The following VPS13D variants were observed in gnomAD, a reference collection of about 807,000 sequenced individuals.
The protein encoded by VPS13D is intermembrane lipid transfer protein VPS13D.
Under a neutral mutation model 461.9 loss-of-function variants are expected in VPS13D, and 187 were observed. The observed-to-expected ratio is 0.40, with a 90% CI of 0.36 to 0.46. VPS13D has a LOEUF of 0.46. Among genes scored for constraint, VPS13D ranks in the 20% least tolerant of loss-of-function variants. The pLI, the probability that VPS13D is intolerant of heterozygous loss-of-function variation, is 0.60. For synonymous variants in VPS13D, 1,951 were observed against 1,986.3 expected (o/e 0.98, Z 0.47); for missense variants, 4,711 against 5,364.9 (o/e 0.88, Z 3.81).
At chr1:12,237,847 G>T (rs1296107226) in intron 2 of VPS13D, among the ~76,000 whole-genome samples, 4 of 151,612 alleles carry the variant, frequency 2.6e-5, no homozygotes, top group Non-Finnish European at 1.5e-5. Context: ...AAAGTTCATT[G>T]TTCAGTCATT....
intron 25 of VPS13D, among the ~76,000 whole-genome samples, chr1:12,303,561 A>G (rs1642482032): frequency 6.6e-6 from 1 of 152,270 alleles, no homozygotes. Flanking sequence ...AAAAAATAAA[A>G]AAATTGCAGA....
chr1:12,291,009 G>C lies in VPS13D; in HGVS notation c.5737G>C (p.Ala1913Pro). 1 of 1,611,002 alleles carries C rather than the reference G, an allele frequency of 6.2e-7. No homozygotes were observed. Among genetic ancestry groups the C allele is most frequent in the Non-Finnish European group, 8.5e-7 (1 of 1,179,128 alleles). Residue 1913 changes from alanine to proline, a missense_variant, in exon 23 of 70, where the codon GCC becomes CCC. By Grantham distance (27) the Ala-to-Pro change is conservative. Around this residue, in one of 3 missense-constraint regions of VPS13D, gnomAD observed 4,411 missense variants for 4,937.8 expected, o/e 0.89. Coordinates refer to ENST00000620676, the MANE Select transcript of VPS13D (RefSeq NM_015378.4). ...AHLEMIEGDL[A>P]LQGSIGSLSL... ...TTTATCATCCCTAGAGGGAGACCTG[G>C]CCTTACAGGGCAGCATTGGGAGTCT...
intron 39 of VPS13D, chr1:12,336,087 T>A: frequency 2.5e-6 from 1 of 399,066 alleles, no homozygotes; most frequent in Non-Finnish European, 4.6e-6. Context: ...CTGGTAATAA[T>A]GCATATGAAC....
intron 63 of VPS13D, among the ~76,000 whole-genome samples, chr1:12,404,923 AC>A (rs1570106826): frequency 6.6e-6 from 1 of 152,284 alleles, no homozygotes; most frequent in East Asian, 1.9e-4. Flanking sequence ...TAAAGATAAT[AC>A]TCAAGACCTC....
chr1:12,257,017 A>G lies in VPS13D; in HGVS notation c.871A>G (p.Lys291Glu), dbSNP rs368630174. 1.4e-4 allele frequency: 219 copies of G among 1,614,036 alleles called. 1 individual carries two copies. Among genetic ancestry groups the G allele is most frequent in the East Asian group, 4.2e-4 (19 of 44,892 alleles). ...ATACCGGCAAATCATGGAATTCCTC[A>G]AGGAGCTGGAACGAAAGGAGAGGCA... ...LQYRQIMEFL[K>E]ELERKERQVK... is the part of the protein sequence containing the mutation. Residue 291 changes from lysine (K) to glutamate (E), a missense_variant, in exon 9 of 70, where the codon AAG becomes GAG. Around this residue, in one of 3 missense-constraint regions of VPS13D, gnomAD observed 4,411 missense variants for 4,937.8 expected, o/e 0.89. Coordinates refer to ENST00000620676, the MANE Select transcript of VPS13D (RefSeq NM_015378.4).
At chr1:12,267,117 C>T (rs1047729130) in intron 14 of VPS13D, 106 bp downstream of exon 14, 6 of 1,241,578 alleles carry the variant, frequency 4.8e-6, no homozygotes, top group Middle Eastern at 2.1e-4. Flanking sequence ...CATCTTGAGA[C>T]TGATGGGCTG....
intron 46 of VPS13D, among the ~76,000 whole-genome samples, chr1:12,350,875 T>A (rs1261154999): frequency 6.6e-6 from 1 of 152,050 alleles, no homozygotes; most frequent in African/African-American, 2.4e-5. Flanking sequence ...CTATTACAGA[T>A]CCTATAGACA....
chr1:12,365,836 A>G (rs986240943), intron 52 of VPS13D, among the ~76,000 whole-genome samples: 1 of 152,202 alleles, frequency 6.6e-6, no homozygotes, highest in South Asian at 2.1e-4. Context: ...TGAGAACACT[A>G]TTACAAAGGA....
intron 52 of VPS13D, among the ~76,000 whole-genome samples, chr1:12,368,070 C>G (rs1570019098): frequency 6.6e-6 from 1 of 152,148 alleles, no homozygotes; most frequent in East Asian, 1.9e-4. Flanking sequence ...CATGCCCAGC[C>G]AGAAATGCTG....
chr1:12,337,042 C>CT (rs1643465998), intron 39 of VPS13D: 1 of 152,126 alleles, frequency 6.6e-6, no homozygotes, highest in African/African-American at 2.4e-5. Context: ...TCTTCCCTCC[C>CT]TGCCTCCCTT....
intron 52 of VPS13D, among the ~76,000 whole-genome samples, chr1:12,365,562 G>T (rs1261911760): frequency 2.0e-5 from 3 of 152,096 alleles, no homozygotes. Context: ...AAATTAGCCA[G>T]GCATGGTGGT....
intron 13 of VPS13D, among the ~76,000 whole-genome samples, chr1:12,265,985 C>A (rs1415624778): frequency 6.6e-6 from 1 of 152,096 alleles, no homozygotes; most frequent in East Asian, 1.9e-4. Context: ...ATAGCAAGAC[C>A]CTATCTCTAC....
chr1:12,329,747 A>G (rs1643282170), intron 36 of VPS13D, 82 bp from the exon 37 acceptor site: 2 of 965,132 alleles, frequency 2.1e-6, no homozygotes, highest in Non-Finnish European at 1.6e-6. Context: ...TATTAGCTCT[A>G]ATGTTTCTTT....
chr1:12,409,099 G>C (rs1388720290), intron 63 of VPS13D, among the ~76,000 whole-genome samples: 1 of 149,028 alleles, frequency 6.7e-6, no homozygotes, highest in East Asian at 1.9e-4. Flanking sequence ...GTGTGTGTGT[G>C]TTTGTGTTTA....
intron 65 of VPS13D, among the ~76,000 whole-genome samples, chr1:12,441,757 G>C (rs373294819): frequency 6.6e-6 from 1 of 152,124 alleles, no homozygotes; most frequent in Admixed American, 6.5e-5. Flanking sequence ...TTCATCTGTT[G>C]TTTTCTGTTT....
At chr1:12,388,873 G>C (rs1644385327) in intron 60 of VPS13D, among the ~76,000 whole-genome samples, 1 of 152,142 alleles carries the variant, frequency 6.6e-6, no homozygotes, top group South Asian at 2.1e-4. Context: ...ATAACATGTT[G>C]ACCCTTGTCA....
chr1:12,428,119 G>T (rs991155958), intron 65 of VPS13D, among the ~76,000 whole-genome samples: 2 of 152,178 alleles, frequency 1.3e-5, no homozygotes, highest in African/African-American at 4.8e-5. Flanking sequence ...TACAGTGTTG[G>T]GGATGAGGGA....
At chr1:12,366,407 C>G (rs2101621406) in intron 52 of VPS13D, among the ~76,000 whole-genome samples, 1 of 152,250 alleles carries the variant, frequency 6.6e-6, no homozygotes, top group Non-Finnish European at 1.5e-5. Flanking sequence ...AGGGCTCTAG[C>G]ACTCTCATCC....
At chr1:12,330,207 G>T (rs1367483788) in intron 37 of VPS13D, among the ~76,000 whole-genome samples, 1 of 152,148 alleles carries the variant, frequency 6.6e-6, no homozygotes, top group Non-Finnish European at 1.5e-5. Context: ...CCTGAGGTCA[G>T]GAGTTCGAGA....
Sources: gnomAD v4.1 joint callset for allele counts (sites outside exome capture counted in the v4.1 genomes callset) on GRCh38, gnomAD v4.1.1 for gene constraint, gnomAD v4.1.1 regional missense constraint, MANE v1.5 for transcripts, NCBI Gene and HGNC (gene_info 2026-07-23, HGNC 2026-07-21) for gene names.